Variants in TYW1 observed in about 807,000 individuals in gnomAD.
TYW1 encodes S-adenosyl-L-methionine-dependent tRNA 4-demethylwyosine synthase TYW1.
A neutral mutation model predicts 96.2 loss-of-function variants in TYW1; 46 were observed. The observed-to-expected ratio is 0.48, with a 90% CI of 0.38 to 0.61. The LOEUF is 0.61. Among genes scored for constraint, TYW1 ranks in the 20% least tolerant of loss-of-function variants. The probability of loss-of-function intolerance (pLI) is 0.00; values close to 1 mark genes in which losing one functional copy is unlikely to be tolerated. For synonymous variants in TYW1, 274 were observed against 323.0 expected (o/e 0.85, Z 1.63); for missense variants, 684 against 909.6 (o/e 0.75, Z 3.19).
chr7:67,088,154 C>T (rs34662233), intron 11 of TYW1, among the ~76,000 whole-genome samples: 6 of 152,016 alleles, frequency 3.9e-5, no homozygotes, highest in Non-Finnish European at 8.8e-5. Flanking sequence ...CATGAGCCAC[C>T]GTGTCTGGCT....
chr7:67,014,641 GCA>G (rs1368878054), intron 5 of TYW1, 80 bp downstream of exon 5: 28 of 1,465,926 alleles, frequency 1.9e-5, no homozygotes, highest in African/African-American at 4.2e-5. Flanking sequence ...ACACACACGT[GCA>G]CACACGCACA....
In TYW1 at chr7:66,998,949, G is replaced by A; in HGVS notation, c.268G>A (p.Ala90Thr). 1 of 1,613,742 alleles carries A rather than the reference G, an allele frequency of 6.2e-7. No individual in the cohort carries two copies. Among genetic ancestry groups the A allele is most frequent in the South Asian group, 1.1e-5 (1 of 90,988 alleles). ...TTTTTATGGTTCTCAGACTGGAACA[G>A]CGAAGGTAAGAAATTTATATGATGC... ...KIFYGSQTGT[A>T]KGFATVLAEA... is the part of the protein sequence containing the mutation. The change falls in exon 3 of 16, where the codon GCG (alanine) becomes ACG (threonine). Residue 90 changes from alanine to threonine, a missense_variant. Ala to Thr is a moderately conservative substitution (Grantham distance 58). Coordinates refer to ENST00000359626, the MANE Select transcript of TYW1 (RefSeq NM_018264.4).
chr7:67,229,164 G>GA (rs1801662534), intron 15 of TYW1, among the ~76,000 whole-genome samples: 1 of 152,178 alleles, frequency 6.6e-6, no homozygotes, highest in African/African-American at 2.4e-5. Context: ...CTTGAGTAGA[G>GA]AAATAATTAA....
At chr7:67,223,734 G>C (rs1476231353) in intron 15 of TYW1, among the ~76,000 whole-genome samples, 7 of 151,728 alleles carry the variant, frequency 4.6e-5, no homozygotes, top group Non-Finnish European at 1.0e-4. Context: ...CATGCAAGCT[G>C]CTCCCATAAC....
At chr7:67,156,233 G>A (rs1330512105) in intron 13 of TYW1, among the ~76,000 whole-genome samples, 4 of 152,200 alleles carry the variant, frequency 2.6e-5, no homozygotes, top group Non-Finnish European at 5.9e-5. Flanking sequence ...TGTGTTCTTA[G>A]GCCCCAGGCA....
chr7:67,152,873 T>A (rs1042328457), intron 13 of TYW1, among the ~76,000 whole-genome samples: 3 of 152,176 alleles, frequency 2.0e-5, no homozygotes, highest in African/African-American at 7.2e-5. Flanking sequence ...AGTGCTGGGA[T>A]TGCAGGCGTG....
At chr7:67,237,744 G>C (rs1225072063) in intron 15 of TYW1, among the ~76,000 whole-genome samples, 1 of 151,882 alleles carries the variant, frequency 6.6e-6, no homozygotes, top group African/African-American at 2.4e-5. Context: ...GTACAAATTG[G>C]ATTATCCCCT....
At chr7:67,197,481 A>G (rs1438272565) in intron 15 of TYW1, among the ~76,000 whole-genome samples, 3 of 152,170 alleles carry the variant, frequency 2.0e-5, no homozygotes, top group African/African-American at 7.2e-5. Context: ...GTGAGCCACC[A>G]CACCCAGCTA....
At chr7:67,103,334 T>C (rs1228661076) in intron 12 of TYW1, among the ~76,000 whole-genome samples, 13 of 152,212 alleles carry the variant, frequency 8.5e-5, no homozygotes, top group Non-Finnish European at 1.6e-4. Flanking sequence ...AAGTCCTAAG[T>C]ATAAGACAAC....
intron 15 of TYW1, among the ~76,000 whole-genome samples, chr7:67,201,973 C>T (rs1381013654): frequency 3.3e-5 from 5 of 152,208 alleles, no homozygotes; most frequent in African/African-American, 1.2e-4. Flanking sequence ...TGTCCAGTGT[C>T]ACTGCGTTCC....
At chr7:67,084,831 C>G (rs1325028816) in intron 11 of TYW1, among the ~76,000 whole-genome samples, 1 of 152,134 alleles carries the variant, frequency 6.6e-6, no homozygotes, top group Non-Finnish European at 1.5e-5. Flanking sequence ...TAACAGGTTT[C>G]TGGTTGGTGT....
chr7:67,034,224 C>T (rs1441683082), intron 7 of TYW1, among the ~76,000 whole-genome samples: 1 of 151,926 alleles, frequency 6.6e-6, no homozygotes, highest in Non-Finnish European at 1.5e-5. Flanking sequence ...CTGCCTCAGC[C>T]TCCCGAGTAG....
Position 67,195,224 on chromosome 7 carries a change from C to T in TYW1, c.1864C>T (p.Pro622Ser), listed in dbSNP as rs1296838181. 2 of 1,613,718 alleles carry T rather than the reference C, an allele frequency of 1.2e-6. No individual in the cohort carries two copies. Among genetic ancestry groups the T allele is most frequent in the South Asian group, 2.2e-5 (2 of 91,052 alleles). Reference sequence around the variant, plus strand: ...AAGCAGTCTTACCATGGCCCACGTGCCCTGGCATGAGGAAGTGGTACAGTT... The same window carrying T: ...AAGCAGTCTTACCATGGCCCACGTGTCCTGGCATGAGGAAGTGGTACAGTT... ...SASSLTMAHV[P>S]WHEEVVQFVH... The change falls in exon 15 of 16, where the codon CCC (proline) becomes TCC (serine). Residue 622 changes from proline to serine, a missense_variant. Physicochemically the swap from Pro to Ser is moderately conservative, Grantham distance 74. Coordinates refer to ENST00000359626, the MANE Select transcript of TYW1 (RefSeq NM_018264.4).
At chr7:67,026,807 AC>A in intron 7 of TYW1, among the ~76,000 whole-genome samples, 1 of 151,946 alleles carries the variant, frequency 6.6e-6, no homozygotes, top group Non-Finnish European at 1.5e-5. Flanking sequence ...TGAGACAAAG[AC>A]CCTTGCAACA....
intron 14 of TYW1, among the ~76,000 whole-genome samples, chr7:67,186,394 AACAGTAT>A (rs1484374623): frequency 6.6e-6 from 1 of 151,992 alleles, no homozygotes; most frequent in Non-Finnish European, 1.5e-5. Flanking sequence ...CTACTTGGTA[AACAGTAT>A]ACTTCTCTGA....
chr7:67,027,468 C>T (rs1456861086), intron 7 of TYW1, among the ~76,000 whole-genome samples: 1 of 151,956 alleles, frequency 6.6e-6, no homozygotes, highest in Non-Finnish European at 1.5e-5. Context: ...GAAAGCTTTT[C>T]TGTATGATTC....
At chr7:67,081,505 G>A (rs1162808906) in intron 10 of TYW1, among the ~76,000 whole-genome samples, 5 of 151,244 alleles carry the variant, frequency 3.3e-5, no homozygotes, top group Admixed American at 1.3e-4. Flanking sequence ...AATGTGGGAA[G>A]TTTTCAGCTT....
intron 5 of TYW1, among the ~76,000 whole-genome samples, chr7:67,014,765 G>A (rs1483702356): frequency 6.6e-6 from 1 of 152,152 alleles, no homozygotes; most frequent in Non-Finnish European, 1.5e-5. Context: ...GTTTTGCTCT[G>A]TCGCCCAGGC....
intron 15 of TYW1, among the ~76,000 whole-genome samples, chr7:67,236,209 G>A (rs1345397964): frequency 2.0e-5 from 3 of 152,148 alleles, no homozygotes; most frequent in Non-Finnish European, 2.9e-5. Context: ...CAGCTTGGGC[G>A]TCACGTGAGA....
Sources: gnomAD v4.1 joint callset for allele counts (sites outside exome capture counted in the v4.1 genomes callset) on GRCh38, gnomAD v4.1.1 for gene constraint, MANE v1.5 for transcripts, NCBI Gene and HGNC (gene_info 2026-07-23, HGNC 2026-07-21) for gene names.